Variants in TLCD3B observed in about 807,000 individuals in gnomAD.
The protein encoded by TLCD3B is TLC domain containing 3B, also known as ceramide synthase.
A neutral mutation model predicts 23.0 loss-of-function variants in TLCD3B; 9 were observed. That is an observed-to-expected ratio of 0.39 (90% CI 0.24 to 0.68). The LOEUF is 0.68. Among genes scored for constraint, TLCD3B ranks in the 30% least tolerant of loss-of-function variants. The pLI, the probability that TLCD3B is intolerant of heterozygous loss-of-function variation, is 0.44. For missense variants in TLCD3B, 307 were observed against 371.8 expected, an observed-to-expected ratio of 0.83 and a Z score of 1.43; for synonymous variants, 161 against 161.0, an observed-to-expected ratio of 1.00 and a Z score of 0.00.
Position 30,025,436 on chromosome 16 carries a change from A to G in TLCD3B, c.572T>C (p.Val191Ala), listed in dbSNP as rs1372668682. The stretch of plus-strand genomic sequence containing the variant: ...GCTGAGCAGCATCAGGGCCCCGTTC[A>G]CCTTGTGCAGCAGTGTGTGCTGCTG... Reference protein sequence around the residue: ...YKQQHTLLHKVNGALMLLSFL... With the variant: ...YKQQHTLLHKANGALMLLSFL... The change falls in exon 5 of 5, where the codon GTG (valine) becomes GCG (alanine). Residue 191 changes from valine to alanine, a missense_variant. Physicochemically the swap from Val to Ala is moderately conservative, Grantham distance 64. Transcript: ENST00000380495. This position sits in a 1 kb window ranked among gnomAD's most constrained non-coding sequence, Gnocchi z 4.1. The G allele has an allele frequency of 6.2e-7, 1 of 1,612,658 alleles. No individual in the cohort carries two copies. Among genetic ancestry groups the G allele is most frequent in the Non-Finnish European group, 8.5e-7 (1 of 1,179,658 alleles).
upstream of TLCD3B, chr16:30,032,585 T>G (rs1459265328): frequency 6.6e-6 from 1 of 151,550 alleles, no homozygotes; most frequent in Non-Finnish European, 1.5e-5. Context: ...TGATTTCTAC[T>G]GGTTCTTACT....
rs564808225 is a variant in TLCD3B at position 30,040,767 on chromosome 16, C to T, written c.-67+228G>A. On this transcript the variant is annotated intron_variant, in intron 3 of 6. Coordinates refer to the TLCD3B transcript ENST00000561666. ...ACCTCCCGGGCTCAAGTGATCCTTC[C>T]ACCTCAGCCTCCTGAGTAGCTGGGA... is the stretch of plus-strand genomic sequence containing the variant. 1.0e-3 allele frequency among the ~76,000 whole-genome samples: 154 copies of T among 152,112 alleles called. 1 individual carries two copies. Among genetic ancestry groups the T allele is most frequent in the African/African-American group, 3.6e-3 (149 of 41,500 alleles).
chr16:30,029,498 T>C lies in TLCD3B; in HGVS notation c.143A>G (p.Gln48Arg), dbSNP rs769283180. 2.5e-6 allele frequency: 4 copies of C among 1,613,894 alleles called. No individual in the cohort carries two copies. The Admixed American group carries it at 5.0e-5, about 20-fold the overall frequency. Residue 48 changes from glutamine to arginine, a missense_variant, in exon 2 of 5, where the codon CAG (glutamine) becomes CGG (arginine). Coordinates refer to ENST00000380495, the MANE Select transcript of TLCD3B (RefSeq NM_031478.6). This position sits in a 1 kb window ranked among gnomAD's most constrained non-coding sequence, Gnocchi z 4.6. ...GCCGGCAGTGGAGGCCATGATGGCC[T>C]GGACAGAGGACACCAGCCTGGGGGA... Reference protein sequence around the residue: ...IVSARLVSSVQAIMASTAGYI... With the variant: ...IVSARLVSSVRAIMASTAGYI...
chr16:30,034,411 A>AC (rs2071426064), upstream of TLCD3B, among the ~76,000 whole-genome samples: 1 of 11,952 alleles, frequency 8.4e-5, no homozygotes, highest in African/African-American at 2.0e-3. Flanking sequence ...TGTCTCTACC[A>AC]AAAAAAAAAA....
chr16:30,026,456 T>C, intron 3 of TLCD3B, 153 bp downstream of exon 3: 2 of 700,014 alleles, frequency 2.9e-6, no homozygotes, highest in South Asian at 3.7e-5. Context: ...TGGTGCTCAG[T>C]GAACCCTGCC....
At position 30,039,101 on chromosome 16, in the gene TLCD3B, C is replaced by CTAATTTT. The variant is rs10623783; in HGVS notation, c.-67+1893_-67+1894insAAAATTA. Among the ~76,000 whole-genome samples the CTAATTTT allele has an allele frequency of 1.4e-4, 17 of 120,824 alleles. 4 individuals are homozygous for CTAATTTT. Among genetic ancestry groups the CTAATTTT allele is most frequent in the South Asian group, 5.3e-4 (2 of 3,798 alleles). 79.3% of individuals were successfully genotyped at this position (120,824 alleles called of 152,430 possible). The stretch of plus-strand genomic sequence containing the variant: ...ACTTATCCTTCTCCTCCTCCTTCCT[C>CTAATTTT]TCTTTTTTTTTTTTTTTTTTTTTTT... On this transcript the variant is annotated intron_variant, in intron 3 of 6. Transcript: ENST00000561666.
chr16:30,032,295 C>A (rs1332782942), upstream of TLCD3B, among the ~76,000 whole-genome samples: 1 of 152,182 alleles, frequency 6.6e-6, no homozygotes, highest in East Asian at 1.9e-4. Context: ...GTTATGCAAA[C>A]TCCTTTGGTC....
chr16:30,026,505 G>T, intron 3 of TLCD3B, 104 bp downstream of exon 3: 2 of 952,594 alleles, frequency 2.1e-6, no homozygotes, highest in Non-Finnish European at 1.6e-6. Context: ...GGGTCTGCTT[G>T]GTTGTCAGTA....
At chr16:30,049,789 G>A (rs375386386) in intron 1 of TLCD3B, among the ~76,000 whole-genome samples, 2 of 152,268 alleles carry the variant, frequency 1.3e-5, no homozygotes, top group East Asian at 3.9e-4. Flanking sequence ...GCCGGGCATG[G>A]TGGCATGCGT....
intron 3 of TLCD3B, among the ~76,000 whole-genome samples, chr16:30,040,375 G>A (rs1414258534): frequency 2.0e-5 from 3 of 151,842 alleles, no homozygotes; most frequent in Non-Finnish European, 2.9e-5. Flanking sequence ...ACATGTTCCC[G>A]TTTAATCATC....
At chr16:30,026,513 G>T in intron 3 of TLCD3B, 96 bp downstream of exon 3, 1 of 1,065,546 alleles carries the variant, frequency 9.4e-7, no homozygotes, top group Non-Finnish European at 1.4e-6. Context: ...TTGGTTGTCA[G>T]TACGCAGACC....
intron 2 of TLCD3B, among the ~76,000 whole-genome samples, chr16:30,043,317 G>A (rs1390617759): frequency 6.6e-6 from 1 of 152,040 alleles, no homozygotes; most frequent in African/African-American, 2.4e-5. Context: ...TCAAATTCCT[G>A]TGCTCAGGGG....
chr16:30,040,836 T>A (rs1348314274), intron 3 of TLCD3B, among the ~76,000 whole-genome samples: 3 of 151,834 alleles, frequency 2.0e-5, no homozygotes, highest in African/African-American at 7.3e-5. Flanking sequence ...GGGGAGGTTT[T>A]TTTTTCTAGA....
At position 30,038,701 on chromosome 16, in the gene TLCD3B, G is replaced by A. The variant is rs558979013; in HGVS notation, c.-67+2294C>T. ...GGAGGCGGAGGTTGCAGTGAGCTGA[G>A]AAGCCGAGATCACGCCACTGCACTT... is the stretch of plus-strand genomic sequence containing the variant. On this transcript the variant is annotated intron_variant, in intron 3 of 6. Coordinates refer to the TLCD3B transcript ENST00000561666. Among the ~76,000 whole-genome samples, 691 of 151,860 alleles carry A rather than the reference G, an allele frequency of 4.6e-3. 7 individuals are homozygous for A. The highest frequency in any genetic ancestry group is 0.016 in the African/African-American group (649 of 41,414).
chr16:30,027,797 T>TC (rs1263453175), intron 2 of TLCD3B: 26 of 394,698 alleles, frequency 6.6e-5, no homozygotes, highest in Admixed American at 4.7e-4. Context: ...GGGCAGGAGG[T>TC]CAGAGAGGCA....
chr16:30,051,770 A>C (rs1051248271), intron 1 of TLCD3B, among the ~76,000 whole-genome samples: 3 of 152,156 alleles, frequency 2.0e-5, no homozygotes, highest in Non-Finnish European at 4.4e-5. Flanking sequence ...TCACAGTCCA[A>C]AGCAGCCACC....
At chr16:30,031,787 G>A (rs1441915362), upstream of TLCD3B, among the ~76,000 whole-genome samples, 1 of 152,180 alleles carries the variant, frequency 6.6e-6, no homozygotes, top group Admixed American at 6.5e-5. Flanking sequence ...GGAGCTCCGA[G>A]GTCACTGCGT....
At chr16:30,030,107 T>C in intron 1 of TLCD3B, 2 of 1,414,340 alleles carry the variant, frequency 1.4e-6, no homozygotes, top group South Asian at 1.2e-5. Context: ...CCCTAATGTC[T>C]TATAGGAATG....
At chr16:30,036,316 A>G (rs1434346025) in intron 3 of TLCD3B, 1 of 1,288,974 alleles carries the variant, frequency 7.8e-7, no homozygotes, top group Non-Finnish European at 1.0e-6. Context: ...GTTCCATTAA[A>G]AAAGAAAACA....
Sources: allele counts gnomAD v4.1 joint callset (sites outside exome capture counted in the v4.1 genomes callset), GRCh38; gene constraint gnomAD v4.1.1; non-coding constraint Gnocchi (gnomAD v3.1); transcripts MANE v1.5; gene names NCBI Gene and HGNC (gene_info 2026-07-23, HGNC 2026-07-21).